PLEKHG2: variants seen among roughly 807,000 people sequenced by gnomAD.
PLEKHG2 encodes the protein pleckstrin homology domain-containing family G member 2.
Under a neutral mutation model 104.4 loss-of-function variants are expected in PLEKHG2, and 71 were observed. The observed-to-expected ratio is 0.68, with a 90% CI of 0.56 to 0.83. The LOEUF is 0.83. PLEKHG2 is among the 40% of genes least tolerant of loss of function. PLEKHG2 has a pLI of 0.00. For missense variants in PLEKHG2, 1,730 were observed against 1,809.4 expected (o/e 0.96, Z 0.80); for synonymous variants, 728 against 737.0 (o/e 0.99, Z 0.20).
Position 39,425,265 on chromosome 19 carries a change from G to T in PLEKHG2, c.4132G>T (p.Gly1378Trp). Residue 1378 changes from glycine (G) to tryptophan (W), a missense_variant, in exon 19 of 19, where the codon GGG (glycine) becomes TGG (tryptophan). Gly to Trp is a radical substitution (Grantham distance 184, BLOSUM62 -2). Transcript: ENST00000425673. ...QESMGLHRAQ[G>W]APDAPFHM ...ATCTATGGGCCTTCACAGGGCCCAG[G>T]GGGCTCCTGATGCCCCCTTCCACAT... is the stretch of plus-strand genomic sequence containing the variant. 1 of 1,612,884 alleles carries T rather than the reference G, an allele frequency of 6.2e-7. No homozygotes were observed. Among genetic ancestry groups the T allele is most frequent in the African/African-American group, 1.3e-5 (1 of 75,022 alleles).
In PLEKHG2 at chr19:39,423,148, T is replaced by C. The variant is rs1479732788; in HGVS notation, c.2094T>C (p.Pro698=). Residue 698 remains proline (P), a synonymous_variant, in exon 18 of 19, where the codon CCT becomes CCC. Transcript: ENST00000425673. The part of the protein sequence containing the change: ...TLSCDSWLQG[P]LQEPAEAPAT... The stretch of plus-strand genomic sequence containing the variant: ...CCTGTGACTCCTGGCTCCAAGGGCC[T>C]CTGCAGGAACCAGCTGAGGCTCCAG... 2 of 1,613,578 alleles carry C rather than the reference T, an allele frequency of 1.2e-6. No individual in the cohort carries two copies. Among genetic ancestry groups the C allele is most frequent in the Non-Finnish European group, 8.5e-7 (1 of 1,179,686 alleles).
intron 2 of PLEKHG2, 71 bp downstream of exon 2, chr19:39,414,266 G>A: frequency 6.9e-7 from 1 of 1,452,128 alleles, no homozygotes; most frequent in South Asian, 1.2e-5. Flanking sequence ...AAGGCAGGGT[G>A]ATGGAGACAA....
chr19:39,414,515 A>G (rs568187680), intron 2 of PLEKHG2, among the ~76,000 whole-genome samples: 67 of 152,364 alleles, frequency 4.4e-4, no homozygotes, highest in African/African-American at 1.6e-3. Flanking sequence ...TGCAAGGAAC[A>G]GCATGTGCAA....
chr19:39,414,191 G>A lies in PLEKHG2; in HGVS notation c.105G>A (p.Arg35=). The A allele has an allele frequency of 1.3e-6, 2 of 1,551,312 alleles. No homozygotes were observed. The highest frequency in any genetic ancestry group is 2.7e-5 in the African/African-American group (2 of 73,172). ...VCDCGTVCET[R]TAPAAPTMAS... ...ACTGTGGCACCGTGTGTGAGACTCG[G>A]ACAGGTGAGCCTAGAGGCAGGGGCG... is the stretch of plus-strand genomic sequence containing the variant. The change falls in exon 2 of 19, where the codon CGG becomes CGA. Residue 35 remains arginine, a synonymous_variant. Coordinates refer to ENST00000425673, the MANE Select transcript of PLEKHG2 (RefSeq NM_022835.3).
chr19:39,418,483 G>A (rs1326723584), intron 9 of PLEKHG2, among the ~76,000 whole-genome samples: 1 of 151,924 alleles, frequency 6.6e-6, no homozygotes, highest in Non-Finnish European at 1.5e-5. Context: ...GGAGGCTGAG[G>A]CAGGAGAATT....
chr19:39,421,822 G>A (rs1301398653), intron 16 of PLEKHG2: 9 of 254,898 alleles, frequency 3.5e-5, no homozygotes, highest in Non-Finnish European at 5.1e-5. Flanking sequence ...TTTGAGACCA[G>A]GCTGGCCAAC....
intron 7 of PLEKHG2, 95 bp from the exon 8 acceptor site, chr19:39,417,460 C>G (rs1212519585): frequency 6.8e-7 from 1 of 1,479,962 alleles, no homozygotes; most frequent in Admixed American, 2.1e-5. Context: ...GCCTCTGCCC[C>G]TATCTTTATA....
At chr19:39,414,345 G>A in intron 2 of PLEKHG2, 150 bp downstream of exon 2, 3 of 752,814 alleles carry the variant, frequency 4.0e-6, no homozygotes, top group Admixed American at 4.6e-5. Flanking sequence ...GCAATGACAG[G>A]CCAGAGGGGG....
chr19:39,422,286 G>C lies in PLEKHG2; in HGVS notation c.1675G>C (p.Gly559Arg). 2 of 1,609,282 alleles carry C rather than the reference G, an allele frequency of 1.2e-6. No homozygotes were observed. The highest frequency in any genetic ancestry group is 1.7e-6 in the Non-Finnish European group (2 of 1,177,776). ...LLNQRGLRDP[G>R]PSTHDIPKFP... ...GAATCAGCGAGGCCTTCGAGATCCA[G>C]GGGTGAGCTGGCTGTCCCATCATGG... Residue 559 changes from glycine (G) to arginine (R), a missense_variant and splice_region_variant, in exon 17 of 19, where the codon GGG (glycine) becomes CGG (arginine). Gly to Arg is a moderately radical substitution (Grantham distance 125). Transcript: ENST00000425673.
At chr19:39,422,055 G>T in intron 16 of PLEKHG2, 60 bp from the exon 17 acceptor site, 1 of 1,502,152 alleles carries the variant, frequency 6.7e-7, no homozygotes, top group Non-Finnish European at 8.9e-7. Context: ...TGGGACTTGG[G>T]GTCCTCTATG....
chr19:39,419,437 A>G (rs1455659773), intron 11 of PLEKHG2, among the ~76,000 whole-genome samples: 1 of 151,940 alleles, frequency 6.6e-6, no homozygotes, highest in Non-Finnish European at 1.5e-5. Flanking sequence ...TCTCTAAAAA[A>G]CATTTTTTAA....
chr19:39,418,347 G>C (rs149943654), intron 9 of PLEKHG2, among the ~76,000 whole-genome samples: 136 of 152,272 alleles, frequency 8.9e-4, no homozygotes, highest in African/African-American at 3.2e-3. Flanking sequence ...GGGAGGTCAA[G>C]GCGGGCGGAT....
intron 2 of PLEKHG2, 156 bp downstream of exon 2, chr19:39,414,351 G>C: frequency 1.4e-6 from 1 of 736,316 alleles, no homozygotes; most frequent in Non-Finnish European, 2.2e-6. Flanking sequence ...ACAGGCCAGA[G>C]GGGGCAGCGC....
chr19:39,419,035 G>A, intron 11 of PLEKHG2, 32 bp downstream of exon 11: 1 of 1,570,952 alleles, frequency 6.4e-7, no homozygotes, highest in Non-Finnish European at 8.6e-7. Flanking sequence ...GGGGCCCTCT[G>A]AGTGCTGGAG....
rs1390324339 is a variant in PLEKHG2 at position 39,415,466 on chromosome 19, G to A, written c.479+27G>A. 1.9e-6 allele frequency: 3 copies of A among 1,611,372 alleles called. No homozygotes were observed. The highest frequency in any genetic ancestry group is 2.5e-6 in the Non-Finnish European group (3 of 1,178,356). On this transcript the variant is annotated intron_variant, in intron 4 of 18. Coordinates refer to ENST00000425673, the MANE Select transcript of PLEKHG2 (RefSeq NM_022835.3). This position sits in a 1 kb window ranked among gnomAD's most constrained non-coding sequence, Gnocchi z 4.6. ...TCAGGGGCAGGGGGGACAGGCAGGG[G>A]GCATTGATTGGTTGGAGGGTCTATT...
chr19:39,417,516 T>G (rs1342532149), intron 7 of PLEKHG2, 39 bp from the exon 8 acceptor site: 2 of 1,603,076 alleles, frequency 1.2e-6, no homozygotes, highest in East Asian at 4.5e-5. Flanking sequence ...CTTCTCTGTT[T>G]CTCTCCCCAT....
rs140550857 is a variant in PLEKHG2 at position 39,423,242 on chromosome 19, G to A, written c.2188G>A (p.Ala730Thr). 6.2e-6 allele frequency: 10 copies of A among 1,613,710 alleles called. No homozygotes were observed. The highest frequency in any genetic ancestry group is 6.8e-6 in the Non-Finnish European group (8 of 1,179,722). The stretch of plus-strand genomic sequence containing the variant: ...GGGAGAGCCGCCTTCAGGAGGCAAG[G>A]CAGGGCCAGAGGAGGATGAAGAAGG... ...KLGEPPSGGK[A>T]GPEEDEEGVS... The change falls in exon 18 of 19, where the codon GCA becomes ACA. Residue 730 changes from alanine to threonine, a missense_variant. Transcript: ENST00000425673.
chr19:39,416,957 T>G lies in PLEKHG2; in HGVS notation c.701T>G (p.Leu234Arg). 1.2e-6 allele frequency: 2 copies of G among 1,613,438 alleles called. No individual in the cohort carries two copies. The highest frequency in any genetic ancestry group is 1.7e-6 in the Non-Finnish European group (2 of 1,179,942). ...TCGCTGCCCCTGCAGAGCTTCCTGC[T>G]GAAACCTGTCCAGCGCATTCTCAAG... ...RHSLPLQSFL[L>R]KPVQRILKYH... is the part of the protein sequence containing the mutation. The change falls in exon 7 of 19, where the codon CTG becomes CGG. Residue 234 changes from leucine to arginine, a missense_variant. Coordinates refer to ENST00000425673, the MANE Select transcript of PLEKHG2 (RefSeq NM_022835.3). This position sits in a 1 kb window ranked among gnomAD's most constrained non-coding sequence, Gnocchi z 4.5.
Position 39,428,301 on chromosome 19 carries a change from G to GCCCT in PLEKHG2, c.*3008_*3009insCCTC, listed in dbSNP as rs1728381225. 1 of 152,292 alleles carries GCCCT rather than the reference G, an allele frequency of 6.6e-6. No homozygotes were observed. 9.4% of individuals were successfully genotyped at this position (152,292 alleles called of 1,614,324 possible). A position where few individuals can be genotyped will look rare whatever the true frequency, so the allele number is the denominator to read the frequency against. ...TACATGAGAGAACACTGCCTTGCCC[G>GCCCT]CATGAGGCTTGTGGCCTGGTACTGT... On this transcript the variant is annotated 3_prime_UTR_variant, in exon 19 of 19. Coordinates refer to ENST00000425673, the MANE Select transcript of PLEKHG2 (RefSeq NM_022835.3).
Sources: gnomAD v4.1 joint callset for allele counts (sites outside exome capture counted in the v4.1 genomes callset) on GRCh38, gnomAD v4.1.1 for gene constraint, Gnocchi (gnomAD v3.1) non-coding constraint, MANE v1.5 for transcripts, NCBI Gene and HGNC (gene_info 2026-07-23, HGNC 2026-07-21) for gene names.